RALGPS1: variants seen among roughly 807,000 people sequenced by gnomAD.
RALGPS1 encodes ras-specific guanine nucleotide-releasing factor RalGPS1.
In RALGPS1, 19 loss-of-function variants were observed where a neutral mutation model predicts 78.8. The ratio of observed to expected loss-of-function variants is 0.24; its 90% CI spans 0.17 to 0.35. The LOEUF (loss-of-function observed/expected upper bound fraction) is 0.35. RALGPS1 is among the 10% of genes least tolerant of loss of function. RALGPS1 has a pLI of 1.00. For synonymous variants in RALGPS1, 228 were observed against 256.3 expected, an observed-to-expected ratio of 0.89 and a Z score of 1.06; for missense variants, 454 against 688.3, an observed-to-expected ratio of 0.66 and a Z score of 3.81.
intron 8 of RALGPS1, chr9:127,092,052 A>G (rs926139653): frequency 2.9e-6 from 4 of 1,360,278 alleles, no homozygotes; most frequent in Non-Finnish European, 4.0e-6. Flanking sequence ...CAAGCAGAGC[A>G]TGAAGCAGAC....
chr9:127,053,659 A>G (rs2048481124), intron 7 of RALGPS1, among the ~76,000 whole-genome samples: 1 of 152,044 alleles, frequency 6.6e-6, no homozygotes, highest in Non-Finnish European at 1.5e-5. Flanking sequence ...ACTGACAAAA[A>G]CTGTATGGAA....
chr9:126,956,253 G>T (rs1460343267), intron 1 of RALGPS1, among the ~76,000 whole-genome samples: 1 of 152,002 alleles, frequency 6.6e-6, no homozygotes, highest in Non-Finnish European at 1.5e-5. Flanking sequence ...TCAGGGCGGG[G>T]CTAGGCCAGG....
At chr9:127,154,140 G>GC (rs2058584117) in intron 8 of RALGPS1, among the ~76,000 whole-genome samples, 1 of 152,252 alleles carries the variant, frequency 6.6e-6, no homozygotes, top group Non-Finnish European at 1.5e-5. Flanking sequence ...AGAGCTGAGG[G>GC]CTGAGTGCTT....
Position 127,093,804 on chromosome 9 carries a change from C to T in RALGPS1, c.610+24448C>T, listed in dbSNP as rs1331228081. ...CGTCTCTGGATGACGGTCCAGCCCC[C>T]GGGGTCGTGTCTCTGGTCGCACCAC... is the stretch of plus-strand genomic sequence containing the variant. On this transcript the variant is annotated intron_variant, in intron 8 of 18. Coordinates refer to ENST00000259351, the MANE Select transcript of RALGPS1 (RefSeq NM_014636.3). 27 of 1,613,926 alleles carry T rather than the reference C, an allele frequency of 1.7e-5. No individual in the cohort carries two copies. The Admixed American group carries it at 2.0e-4, about 12-fold the overall frequency.
chr9:127,048,337 A>G (rs543357061), intron 5 of RALGPS1, among the ~76,000 whole-genome samples: 7 of 152,172 alleles, frequency 4.6e-5, no homozygotes, highest in Admixed American at 2.0e-4. Flanking sequence ...TTCAAGGCCT[A>G]TCTTCTTCGA....
At chr9:127,209,279 C>T (rs565167738) in intron 14 of RALGPS1, among the ~76,000 whole-genome samples, 7 of 152,368 alleles carry the variant, frequency 4.6e-5, no homozygotes, top group Admixed American at 1.3e-4. Flanking sequence ...GCGACCTGGC[C>T]GTGCTAGTGC....
intron 1 of RALGPS1, among the ~76,000 whole-genome samples, chr9:126,938,154 C>T (rs191039208): frequency 8.2e-4 from 125 of 152,314 alleles, no homozygotes; most frequent in Non-Finnish European, 1.5e-3. Context: ...TTCTGCATCA[C>T]TGTTTATAGT....
intron 7 of RALGPS1, among the ~76,000 whole-genome samples, chr9:127,059,504 C>G (rs1408156634): frequency 1.3e-5 from 2 of 152,158 alleles, no homozygotes; most frequent in African/African-American, 2.4e-5. Flanking sequence ...AATCTCTTTT[C>G]CCTTGGCTTA....
chr9:127,217,255 C>A, intron 18 of RALGPS1: 1 of 1,189,578 alleles, frequency 8.4e-7, no homozygotes. Context: ...TTTCTTCCTA[C>A]TTTCCCCCTT....
intron 3 of RALGPS1, 97 bp downstream of exon 3, chr9:126,966,048 A>G (rs1250271781): frequency 2.4e-6 from 2 of 850,252 alleles, no homozygotes; most frequent in Non-Finnish European, 2.0e-6. Flanking sequence ...GAAACATTCT[A>G]TATGCCCAGC....
At position 127,216,765 on chromosome 9, in the gene RALGPS1, C is replaced by T. The variant is rs762222863; in HGVS notation, c.1644+1923C>T. ...GCCAAGACCTGAACAAGGCTGCCGC[C>T]GCCCCAGCTTGCATTAAGAGAGGAA... On this transcript the variant is annotated intron_variant, in intron 18 of 18. Coordinates refer to ENST00000259351, the MANE Select transcript of RALGPS1 (RefSeq NM_014636.3). The T allele has an allele frequency of 2.5e-5, 18 of 721,312 alleles. 1 individual carries two copies. The highest frequency in any genetic ancestry group is 3.4e-5 in the Non-Finnish European group (17 of 498,938). 44.7% of individuals were successfully genotyped at this position (721,312 alleles called of 1,614,324 possible).
At chr9:126,989,418 G>C (rs2042086332) in intron 4 of RALGPS1, among the ~76,000 whole-genome samples, 1 of 152,212 alleles carries the variant, frequency 6.6e-6, no homozygotes. Flanking sequence ...AGAGCATACA[G>C]CAGCGTGGAG....
intron 1 of RALGPS1, among the ~76,000 whole-genome samples, chr9:126,923,460 G>A (rs974428140): frequency 6.6e-6 from 1 of 152,176 alleles, no homozygotes; most frequent in East Asian, 1.9e-4. Context: ...TTGGAAAAAG[G>A]TACTTATAAT....
intron 7 of RALGPS1, 57 bp downstream of exon 7, chr9:127,052,996 C>A: frequency 8.5e-7 from 1 of 1,174,992 alleles, no homozygotes; most frequent in Non-Finnish European, 1.3e-6. Context: ...TGGTGAAGTT[C>A]TTCATTCCAC....
intron 8 of RALGPS1, among the ~76,000 whole-genome samples, chr9:127,103,252 A>G (rs1281526664): frequency 2.0e-5 from 3 of 152,224 alleles, no homozygotes; most frequent in African/African-American, 4.8e-5. Flanking sequence ...CAGGTGGAAA[A>G]TCCATCTAGG....
chr9:126,968,785 A>G (rs1350939192), intron 3 of RALGPS1, among the ~76,000 whole-genome samples: 2 of 152,244 alleles, frequency 1.3e-5, no homozygotes, highest in Non-Finnish European at 2.9e-5. Context: ...GCGGTGGCTC[A>G]TGCCTATAAT....
chr9:127,108,256 T>A (rs1332654227), intron 8 of RALGPS1: 1 of 1,613,904 alleles, frequency 6.2e-7, no homozygotes, highest in Non-Finnish European at 8.5e-7. Flanking sequence ...GATCCTGTTC[T>A]CCAGCTGGGA....
chr9:126,955,498 C>T (rs1368102943), intron 1 of RALGPS1, among the ~76,000 whole-genome samples: 1 of 152,072 alleles, frequency 6.6e-6, no homozygotes, highest in African/African-American at 2.4e-5. Context: ...CTCATAACTA[C>T]TTTGAAATTA....
At chr9:127,031,297 C>T (rs186562417) in intron 4 of RALGPS1, among the ~76,000 whole-genome samples, 2 of 152,358 alleles carry the variant, frequency 1.3e-5, no homozygotes, top group East Asian at 1.9e-4. Context: ...CCACTTAACA[C>T]GGATGGAATC....
Sources: allele counts gnomAD v4.1 joint callset (sites outside exome capture counted in the v4.1 genomes callset), GRCh38; gene constraint gnomAD v4.1.1; transcripts MANE v1.5; gene names NCBI Gene and HGNC (gene_info 2026-07-23, HGNC 2026-07-21).